The following PRKCB variants were observed in gnomAD, a reference collection of about 807,000 sequenced individuals.
PRKCB encodes protein kinase C beta type.
A neutral mutation model predicts 81.5 loss-of-function variants in PRKCB; 13 were observed. The observed-to-expected ratio is 0.16, with a 90% confidence interval of 0.10 to 0.25. The LOEUF (loss-of-function observed/expected upper bound fraction) is 0.25, where lower values mean the gene tolerates loss of function less well. Among genes scored for constraint, PRKCB ranks in the 10% least tolerant of loss-of-function variants. The probability of loss-of-function intolerance (pLI) is 1.00; values close to 1 mark genes in which losing one functional copy is unlikely to be tolerated. For missense variants in PRKCB, 509 were observed against 875.7 expected, an observed-to-expected ratio of 0.58 and a Z score of 5.29; for synonymous variants, 335 against 321.4, an observed-to-expected ratio of 1.04 and a Z score of -0.45.
chr16:24,192,816 GC>G (rs1469560520), intron 16 of PRKCB, among the ~76,000 whole-genome samples: 1 of 152,142 alleles, frequency 6.6e-6, no homozygotes, highest in African/African-American at 2.4e-5. Context: ...TAGGTGTGGG[GC>G]CCAGTGTTCT....
intron 2 of PRKCB, among the ~76,000 whole-genome samples, chr16:23,932,099 A>G (rs551006060): frequency 9.1e-4 from 138 of 152,374 alleles, no homozygotes; most frequent in South Asian, 2.7e-3. Context: ...CTACATAGAA[A>G]TAACTTGATT....
At chr16:24,151,240 T>G (rs1967076312) in intron 9 of PRKCB, among the ~76,000 whole-genome samples, 1 of 152,240 alleles carries the variant, frequency 6.6e-6, no homozygotes, top group South Asian at 2.1e-4. Context: ...AAGGAGAAGA[T>G]GCAGAGCCTG....
intron 3 of PRKCB, among the ~76,000 whole-genome samples, chr16:23,996,174 A>G (rs186190076): frequency 6.6e-6 from 1 of 152,258 alleles, no homozygotes; most frequent in Non-Finnish European, 1.5e-5. Context: ...GTGGGCAATA[A>G]ACATGAAAAT....
chr16:24,196,339 G>T (rs552807428), intron 16 of PRKCB, among the ~76,000 whole-genome samples: 2 of 152,252 alleles, frequency 1.3e-5, no homozygotes, highest in African/African-American at 4.8e-5. Flanking sequence ...TGTACAGCAG[G>T]GTATCGCAAA....
At position 24,218,615 on chromosome 16, in the gene PRKCB, A is replaced by G; in HGVS notation, c.*3799A>G. On this transcript the variant is annotated 3_prime_UTR_variant, in exon 17 of 17. Coordinates refer to ENST00000643927, the MANE Select transcript of PRKCB (RefSeq NM_002738.7). Reference sequence around the variant, plus strand: ...CAGCCACAAAGAAGCAAGTCTTGTAAAAGGTCTTTTGCAAAGGAGAGTGAA... The same window carrying G: ...CAGCCACAAAGAAGCAAGTCTTGTAGAAGGTCTTTTGCAAAGGAGAGTGAA... 1 of 984,888 alleles carries G rather than the reference A, an allele frequency of 1.0e-6. No individual in the cohort carries two copies. The highest frequency in any genetic ancestry group is 1.2e-6 in the Non-Finnish European group (1 of 829,928). 61.0% of individuals were successfully genotyped at this position (984,888 alleles called of 1,614,324 possible).
chr16:24,107,398 T>A (rs531790955), intron 7 of PRKCB, among the ~76,000 whole-genome samples: 12 of 152,354 alleles, frequency 7.9e-5, no homozygotes, highest in African/African-American at 2.6e-4. Flanking sequence ...GTGTCCTTGT[T>A]CTAACATTTC....
Position 23,989,049 on chromosome 16 carries a change from C to T in PRKCB, c.288+459C>T, listed in dbSNP as rs372171147. ...AATCTCAGCTCACTGCAAGCTCCGC[C>T]TCCTGGGTTCATGCCATTCTCCTGC... On this transcript the variant is annotated intron_variant, in intron 3 of 16. Transcript: ENST00000643927. Among the ~76,000 whole-genome samples, 8 of 152,290 alleles carry T rather than the reference C, an allele frequency of 5.3e-5. No homozygotes were observed. In the East Asian group the frequency reaches 1.2e-3, roughly 22 times the overall value.
intron 7 of PRKCB, among the ~76,000 whole-genome samples, chr16:24,103,011 TACA>T (rs1393789881): frequency 2.6e-5 from 4 of 152,124 alleles, no homozygotes; most frequent in African/African-American, 9.7e-5. Context: ...TAGCCAGGAT[TACA>T]AGTGCCTGCC....
At chr16:23,854,801 T>A (rs1048468882) in intron 2 of PRKCB, among the ~76,000 whole-genome samples, 1 of 152,168 alleles carries the variant, frequency 6.6e-6, no homozygotes, top group African/African-American at 2.4e-5. Flanking sequence ...CTAATTTCAG[T>A]GTGGTCCTCG....
At chr16:23,896,374 A>G (rs920181468) in intron 2 of PRKCB, among the ~76,000 whole-genome samples, 1 of 152,188 alleles carries the variant, frequency 6.6e-6, no homozygotes, top group African/African-American at 2.4e-5. Flanking sequence ...TATTGAAAAC[A>G]TACTGTATGC....
At chr16:23,969,340 C>A (rs1964527581) in intron 2 of PRKCB, among the ~76,000 whole-genome samples, 2 of 152,130 alleles carry the variant, frequency 1.3e-5, no homozygotes, top group Admixed American at 6.5e-5. Flanking sequence ...AGACACTGAT[C>A]TTTCTGTTAC....
intron 2 of PRKCB, among the ~76,000 whole-genome samples, chr16:23,952,357 T>C (rs1964294868): frequency 6.6e-6 from 1 of 152,334 alleles, no homozygotes; most frequent in South Asian, 2.1e-4. Flanking sequence ...CGTCAGGGGT[T>C]TAGCAGTTAA....
At chr16:24,076,935 G>A (rs912008235) in intron 5 of PRKCB, among the ~76,000 whole-genome samples, 9 of 152,272 alleles carry the variant, frequency 5.9e-5, no homozygotes, top group Non-Finnish European at 1.3e-4. Context: ...CATTCTTCCA[G>A]AACACTCCAG....
intron 2 of PRKCB, among the ~76,000 whole-genome samples, chr16:23,863,077 G>T (rs1338916557): frequency 6.8e-6 from 1 of 146,336 alleles, no homozygotes; most frequent in South Asian, 2.1e-4. Context: ...ATATATATAT[G>T]ATTTATATAT....
In PRKCB at chr16:24,219,924, T is replaced by G; in HGVS notation, c.*5108T>G. 1.2e-6 allele frequency: 2 copies of G among 1,609,012 alleles called. No individual in the cohort carries two copies. Among genetic ancestry groups the G allele is most frequent in the Non-Finnish European group, 1.7e-6 (2 of 1,177,030 alleles). On this transcript the variant is annotated 3_prime_UTR_variant, in exon 17 of 17. Transcript: ENST00000643927. ...GTATCTTGGTCCTGTGTCTTTCTTC[T>G]TACGCTGTGTTAATGTGTTTACTTT...
intron 9 of PRKCB, among the ~76,000 whole-genome samples, chr16:24,136,372 G>A (rs766863808): frequency 2.0e-5 from 3 of 152,124 alleles, no homozygotes; most frequent in Non-Finnish European, 4.4e-5. Context: ...TGAGTAAAGC[G>A]GGTATTTGCT....
chr16:23,898,106 C>T (rs1470385518), intron 2 of PRKCB, among the ~76,000 whole-genome samples: 2 of 149,452 alleles, frequency 1.3e-5, no homozygotes, highest in African/African-American at 4.9e-5. Flanking sequence ...TGCTCTGTCG[C>T]CCAGGCCAGA....
At chr16:24,090,333 A>G (rs1487666491) in intron 5 of PRKCB, among the ~76,000 whole-genome samples, 2 of 152,208 alleles carry the variant, frequency 1.3e-5, no homozygotes, top group East Asian at 1.9e-4. Context: ...AGCCGATTCA[A>G]TGCTTCTCCC....
intron 2 of PRKCB, among the ~76,000 whole-genome samples, chr16:23,868,314 T>C (rs189637060): frequency 6.6e-6 from 1 of 152,326 alleles, no homozygotes; most frequent in Admixed American, 6.5e-5. Flanking sequence ...AAACTCAGAC[T>C]TAGACAGCTG....
Sources: gnomAD v4.1 joint callset for allele counts (sites outside exome capture counted in the v4.1 genomes callset) on GRCh38, gnomAD v4.1.1 for gene constraint, MANE v1.5 for transcripts, NCBI Gene and HGNC (gene_info 2026-07-23, HGNC 2026-07-21) for gene names.